PPP2R3B: variants seen among roughly 807,000 people sequenced by gnomAD.
The protein encoded by PPP2R3B is protein phosphatase 2 regulatory subunit B''beta.
PPP2R3B carries 68 observed loss-of-function variants against 72.9 expected under a neutral mutation model. That is an observed-to-expected ratio of 0.93 (90% CI 0.77 to 1.14). The LOEUF (loss-of-function observed/expected upper bound fraction) is 1.14, where lower values mean the gene tolerates loss of function less well. Among genes scored for constraint, PPP2R3B ranks in the 50% most tolerant of loss-of-function variants. The pLI is 0.00. For synonymous variants in PPP2R3B, 466 were observed against 375.8 expected (o/e 1.24, Z -2.78); for missense variants, 1,018 against 842.0 (o/e 1.21, Z -2.59).
intron 2 of PPP2R3B, among the ~76,000 whole-genome samples, chrX:358,971 C>A (rs1168138449): frequency 2.3e-4 from 21 of 91,918 alleles, no homozygotes; most frequent in Non-Finnish European, 4.8e-4. Flanking sequence ...GGCGCCCTGG[C>A]GGGGAAGCAC....
intron 1 of PPP2R3B, among the ~76,000 whole-genome samples, chrX:364,592 C>T (rs965314651): frequency 6.7e-6 from 1 of 148,922 alleles, no homozygotes; most frequent in African/African-American, 2.5e-5. Flanking sequence ...GTGGAGGGTG[C>T]CTGTACTCCC....
chrX:359,117 T>A (rs2738320), intron 2 of PPP2R3B, among the ~76,000 whole-genome samples: 95,123 of 152,024 alleles, frequency 0.63, 30,041 homozygotes, highest in African/African-American at 0.68. Context: ...AAAAGAGGTG[T>A]CTGACCCAGC....
At chrX:380,015 G>A (rs1194742437) in intron 1 of PPP2R3B, among the ~76,000 whole-genome samples, 1 of 152,154 alleles carries the variant, frequency 6.6e-6, no homozygotes, top group African/African-American at 2.4e-5. Context: ...GGGGAGAAAA[G>A]ACTGTTCAAT....
intron 12 of PPP2R3B, chrX:337,345 G>T (rs1334292147): frequency 2.0e-5 from 3 of 152,290 alleles, no homozygotes; most frequent in Non-Finnish European, 4.4e-5. Flanking sequence ...CTCCCAAAGT[G>T]CTGGGATGAC....
rs370429872 is a variant in PPP2R3B at position 345,602 on chromosome X, T to C, written c.950A>G (p.Tyr317Cys). ...LTEFFSYEHF[Y>C]VIYCKFWELD... The stretch of plus-strand genomic sequence containing the variant: ...CTCCCAGAACTTGCAGTAGATGACG[T>C]AGAAATGCTCGTACGAGAAGAATTC... The change falls in exon 7 of 13, where the codon TAC (tyrosine) becomes TGC (cysteine). Residue 317 changes from tyrosine to cysteine, a missense_variant. Physicochemically the swap from Tyr to Cys is radical, Grantham distance 194. Coordinates refer to ENST00000390665, the MANE Select transcript of PPP2R3B (RefSeq NM_013239.5). 1.9e-5 allele frequency: 31 copies of C among 1,613,074 alleles called. No homozygotes were observed. The highest frequency in any genetic ancestry group is 6.6e-5 in the South Asian group (6 of 91,058).
intron 7 of PPP2R3B, among the ~76,000 whole-genome samples, chrX:344,116 C>G (rs770362587): frequency 0.06 from 2,385 of 39,938 alleles, 274 homozygotes; most frequent in Non-Finnish European, 0.071. Flanking sequence ...GGAGTGAGAC[C>G]TCACCAACGG....
chrX:364,472 C>T (rs1482797122), intron 1 of PPP2R3B, among the ~76,000 whole-genome samples: 1 of 142,712 alleles, frequency 7.0e-6, no homozygotes, highest in Non-Finnish European at 1.5e-5. Flanking sequence ...AGTTCAAGAC[C>T]AGCCTGGGCA....
intron 1 of PPP2R3B, among the ~76,000 whole-genome samples, chrX:374,911 AC>A (rs2071956020): frequency 6.6e-6 from 1 of 151,172 alleles, no homozygotes; most frequent in Non-Finnish European, 1.5e-5. Context: ...GACGCACCCA[AC>A]CCCCGCAAGC....
intron 1 of PPP2R3B, among the ~76,000 whole-genome samples, chrX:382,082 C>T (rs1403165309): frequency 3.3e-5 from 5 of 152,158 alleles, no homozygotes; most frequent in South Asian, 2.1e-4. Context: ...CAGAATCCTG[C>T]ACCCTGCACA....
Position 334,334 on chromosome X carries a change from A to T in PPP2R3B, c.*33T>A, listed in dbSNP as rs1133535. On this transcript the variant is annotated 3_prime_UTR_variant, in exon 13 of 13. Coordinates refer to ENST00000390665, the MANE Select transcript of PPP2R3B (RefSeq NM_013239.5). ...GGTGGCCCGGTGGTGGCACGTGGGG[A>T]GCGGCCCCGCGGCGGCGTTCTCGCG... 7 of 1,451,194 alleles carry T rather than the reference A, an allele frequency of 4.8e-6. No homozygotes were observed. The highest frequency in any genetic ancestry group is 6.3e-6 in the Non-Finnish European group (7 of 1,107,408). 89.9% of individuals were successfully genotyped at this position (1,451,194 alleles called of 1,614,324 possible).
At chrX:338,552 C>T in intron 12 of PPP2R3B, 52 bp downstream of exon 12, 2 of 1,149,770 alleles carry the variant, frequency 1.7e-6, no homozygotes, top group Non-Finnish European at 2.4e-6. Flanking sequence ...CCTCCCCACT[C>T]ACCCGTCCTC....
At chrX:336,112 G>A (rs925109337) in intron 12 of PPP2R3B, 2 of 152,218 alleles carry the variant, frequency 1.3e-5, no homozygotes, top group African/African-American at 4.8e-5. Flanking sequence ...AGGGTGCAGT[G>A]AGCTGAGATT....
intron 2 of PPP2R3B, among the ~76,000 whole-genome samples, chrX:358,668 G>A (rs1190583378): frequency 4.2e-5 from 6 of 141,956 alleles, no homozygotes; most frequent in African/African-American, 1.5e-4. Flanking sequence ...TACCTTAGAC[G>A]GCCACCAAGG....
Position 334,616 on chromosome X carries a change from C to T in PPP2R3B, c.1578-99G>A, listed in dbSNP as rs186206483. The T allele has an allele frequency of 1.4e-3, 1,873 of 1,305,428 alleles. 13 individuals carry two copies. In the African/African-American group the frequency reaches 0.018, roughly 12 times the overall value. 80.9% of individuals were successfully genotyped at this position (1,305,428 alleles called of 1,614,324 possible). Reference sequence around the variant, plus strand: ...GCTGCTCGGCCGCCAACCTCCAGCACGAGACAGTCCCCTGAGCCGACCTTG... The same window carrying T: ...GCTGCTCGGCCGCCAACCTCCAGCATGAGACAGTCCCCTGAGCCGACCTTG... On this transcript the variant is annotated intron_variant, in intron 12 of 12. Coordinates refer to ENST00000390665, the MANE Select transcript of PPP2R3B (RefSeq NM_013239.5).
intron 1 of PPP2R3B, among the ~76,000 whole-genome samples, chrX:379,210 C>T (rs1380375035): frequency 1.4e-5 from 2 of 146,108 alleles, no homozygotes; most frequent in African/African-American, 5.2e-5. Flanking sequence ...TGTGTATGCA[C>T]CTGTGTATGC....
At chrX:379,208 C>G (rs1395663442) in intron 1 of PPP2R3B, among the ~76,000 whole-genome samples, 8 of 144,588 alleles carry the variant, frequency 5.5e-5, no homozygotes, top group South Asian at 2.2e-4. Context: ...CGTGTGTATG[C>G]ACCTGTGTAT....
At chrX:338,077 A>AG (rs1444293601) in intron 12 of PPP2R3B, 2 of 168,954 alleles carry the variant, frequency 1.2e-5, no homozygotes, top group African/African-American at 2.4e-5. Context: ...CCACGTGAAG[A>AG]GGGGGTGAAA....
chrX:374,227 C>A, intron 1 of PPP2R3B, among the ~76,000 whole-genome samples: 1 of 152,154 alleles, frequency 6.6e-6, no homozygotes, highest in South Asian at 2.1e-4. Flanking sequence ...AGTGAGGTCC[C>A]CCCCCTCCAC....
At chrX:345,172 A>C (rs1194824877) in intron 7 of PPP2R3B, 1 of 550,208 alleles carries the variant, frequency 1.8e-6, no homozygotes, top group Non-Finnish European at 3.5e-6. Context: ...GGAGCTCCTG[A>C]GGGAAGGCGT....
Sources: gnomAD v4.1 joint callset for allele counts (sites outside exome capture counted in the v4.1 genomes callset) on GRCh38, gnomAD v4.1.1 for gene constraint, MANE v1.5 for transcripts, NCBI Gene and HGNC (gene_info 2026-07-23, HGNC 2026-07-21) for gene names.